Variants in MAPK14 observed in about 807,000 individuals in gnomAD.
MAPK14 encodes CSAID-binding protein.
MAPK14 carries 16 observed loss-of-function variants against 49.6 expected under a neutral mutation model. The ratio of observed to expected loss-of-function variants is 0.32; its 90% CI spans 0.22 to 0.49. MAPK14 has a LOEUF of 0.49. Ranked by LOEUF, MAPK14 falls within the 20% of genes least tolerant of loss-of-function variation. The pLI is 0.99. For missense variants in MAPK14, 200 were observed against 441.2 expected (o/e 0.45, Z 4.90); for synonymous variants, 142 against 158.0 (o/e 0.90, Z 0.76).
chr6:36,036,744 T>C (rs1762766546), intron 1 of MAPK14, among the ~76,000 whole-genome samples: 1 of 152,060 alleles, frequency 6.6e-6, no homozygotes, highest in African/African-American at 2.4e-5. Context: ...TATTTATTTA[T>C]TTATTTATTT....
At chr6:36,041,346 C>G (rs551473750) in intron 1 of MAPK14, among the ~76,000 whole-genome samples, 1 of 151,882 alleles carries the variant, frequency 6.6e-6, no homozygotes, top group Admixed American at 6.6e-5. Context: ...GCTCCATGAT[C>G]CATTCTTAAA....
chr6:36,096,112 C>T, intron 9 of MAPK14, 46 bp downstream of exon 9: 2 of 1,332,256 alleles, frequency 1.5e-6, no homozygotes, highest in Non-Finnish European at 2.2e-6. Flanking sequence ...GAGCCTCTGC[C>T]ACTTGCCTTC....
At chr6:36,065,225 T>C (rs1763998859) in intron 3 of MAPK14, among the ~76,000 whole-genome samples, 1 of 152,230 alleles carries the variant, frequency 6.6e-6, no homozygotes, top group African/African-American at 2.4e-5. Context: ...GTAAGCTGTG[T>C]TCAAGCACGG....
chr6:36,094,169 A>C (rs1299415873), intron 8 of MAPK14, among the ~76,000 whole-genome samples: 1 of 152,190 alleles, frequency 6.6e-6, no homozygotes. Flanking sequence ...TTTATAACAC[A>C]ATGATTTTTG....
Position 36,071,575 on chromosome 6 carries a change from C to T in MAPK14, c.306-1298C>T, listed in dbSNP as rs368250176. 1.6e-3 allele frequency among the ~76,000 whole-genome samples: 236 copies of T among 152,250 alleles called. 3 individuals carry two copies. The South Asian group carries it at 0.036, about 23-fold the overall frequency. On this transcript the variant is annotated intron_variant, in intron 3 of 11. Coordinates refer to ENST00000229794, the MANE Select transcript of MAPK14 (RefSeq NM_139012.3). ...TGCCTCCAGATAAAACATGTTCCTC[C>T]TTCCTTTAAGGTAAATGCAGGAATA...
intron 1 of MAPK14, among the ~76,000 whole-genome samples, chr6:36,037,947 G>C (rs1046498607): frequency 2.0e-5 from 3 of 152,052 alleles, no homozygotes; most frequent in Admixed American, 2.0e-4. Context: ...AGTTGAGGCT[G>C]TAGTGAGCTG....
chr6:36,061,639 G>A (rs924796396), intron 3 of MAPK14, among the ~76,000 whole-genome samples: 5 of 152,252 alleles, frequency 3.3e-5, no homozygotes, highest in African/African-American at 9.6e-5. Context: ...AGAACACTGA[G>A]CAGAGTGTTA....
At chr6:36,032,970 A>G (rs147721181) in intron 1 of MAPK14, among the ~76,000 whole-genome samples, 75 of 132,452 alleles carry the variant, frequency 5.7e-4, no homozygotes, top group African/African-American at 2.1e-3. Flanking sequence ...ATGGCCATTC[A>G]CCATTTTAAA....
At position 36,107,582 on chromosome 6, in the gene MAPK14, T is replaced by C. The variant is rs372297223; in HGVS notation, c.969T>C (p.Tyr323=). 11 of 1,601,842 alleles carry C rather than the reference T, an allele frequency of 6.9e-6. No individual in the cohort carries two copies. Among genetic ancestry groups the C allele is most frequent in the African/African-American group, 1.3e-5 (1 of 74,552 alleles). ...ATGATGAACCAGTGGCCGATCCTTATGATCAGTCCTTTGAAAGCAGGGACC... is the reference window on the plus strand; with the variant it reads ...ATGATGAACCAGTGGCCGATCCTTACGATCAGTCCTTTGAAAGCAGGGACC... ...DPDDEPVADP[Y]DQSFESRDLL... The change falls in exon 11 of 12, where the codon TAT becomes TAC. Residue 323 remains tyrosine, a synonymous_variant. Transcript: ENST00000229794. The surrounding 1 kb of genome is among the most constrained non-coding windows in gnomAD (Gnocchi z 4.3).
chr6:36,120,554 T>A, the MAPK14 span, among the ~76,000 whole-genome samples: 18 of 152,336 alleles, frequency 1.2e-4, no homozygotes, highest in Non-Finnish European at 2.2e-4. Context: ...TGGAAACTTT[T>A]CTTTATTGAT....
At chr6:36,119,953 A>G in the MAPK14 span, among the ~76,000 whole-genome samples, 1 of 152,214 alleles carries the variant, frequency 6.6e-6, no homozygotes, top group East Asian at 1.9e-4. Flanking sequence ...AGACGAGAAT[A>G]ATAAACACCA....
At chr6:36,035,262 C>T (rs1270632064) in intron 1 of MAPK14, among the ~76,000 whole-genome samples, 3 of 152,098 alleles carry the variant, frequency 2.0e-5, no homozygotes, top group African/African-American at 7.2e-5. Flanking sequence ...CAAACTTTCT[C>T]ATTATTATTA....
Position 36,052,833 on chromosome 6 carries a change from G to A in MAPK14, c.246+5G>A, listed in dbSNP as rs1438467315. The stretch of plus-strand genomic sequence containing the variant: ...AAACATATGAAACATGAAAATGTAA[G>A]TTATTCATTCAAGGAAGAATACATT... On this transcript the variant is annotated splice_donor_5th_base_variant and intron_variant, in intron 2 of 11. Transcript: ENST00000229794. 5 of 1,600,390 alleles carry A rather than the reference G, an allele frequency of 3.1e-6. No individual in the cohort carries two copies. The highest frequency in any genetic ancestry group is 4.3e-6 in the Non-Finnish European group (5 of 1,174,658).
At chr6:36,034,762 GC>G (rs1762671139) in intron 1 of MAPK14, among the ~76,000 whole-genome samples, 1 of 148,242 alleles carries the variant, frequency 6.7e-6, no homozygotes, top group South Asian at 2.1e-4. Flanking sequence ...ACAGATAATT[GC>G]TTTTTTTTTG....
intron 1 of MAPK14, among the ~76,000 whole-genome samples, chr6:36,041,112 C>T (rs778758537): frequency 2.0e-5 from 3 of 152,028 alleles, no homozygotes; most frequent in Non-Finnish European, 4.4e-5. Context: ...TTAGAAGATA[C>T]AATGCATTTT....
chr6:36,069,065 A>G (rs1764170385), intron 3 of MAPK14, among the ~76,000 whole-genome samples: 1 of 152,210 alleles, frequency 6.6e-6, no homozygotes, highest in African/African-American at 2.4e-5. Context: ...TAGCTTTCCA[A>G]CCATACTCAA....
Position 36,031,882 on chromosome 6 carries a change from T to C in MAPK14, c.116+3609T>C, listed in dbSNP as rs192282614. On this transcript the variant is annotated intron_variant, in intron 1 of 11. Transcript: ENST00000229794. ...AACTATAAAGTAACAACACATAATT[T>C]TTTGTGTGACTTCTTGAACTGGACC... 3.3e-3 allele frequency among the ~76,000 whole-genome samples: 497 copies of C among 152,272 alleles called. 7 individuals are homozygous for C. Among genetic ancestry groups the C allele is most frequent in the Middle Eastern group, 0.017 (5 of 294 alleles).
At chr6:36,118,633 G>A in the MAPK14 span, among the ~76,000 whole-genome samples, 5 of 152,184 alleles carry the variant, frequency 3.3e-5, no homozygotes, top group African/African-American at 7.2e-5. Flanking sequence ...GTCACCATCC[G>A]CTGCCATTAC....
intron 10 of MAPK14, 184 bp downstream of exon 10, chr6:36,102,833 T>C: frequency 3.0e-6 from 3 of 986,840 alleles, no homozygotes; most frequent in Non-Finnish European, 2.9e-6. Flanking sequence ...CATGAGATGA[T>C]TGTATGTTTA....
Sources: allele counts gnomAD v4.1 joint callset (sites outside exome capture counted in the v4.1 genomes callset), GRCh38; gene constraint gnomAD v4.1.1; non-coding constraint Gnocchi (gnomAD v3.1); transcripts MANE v1.5; gene names NCBI Gene and HGNC (gene_info 2026-07-23, HGNC 2026-07-21).